RSRC1: variants seen among roughly 807,000 people sequenced by gnomAD.
RSRC1 encodes the protein arginine and serine rich coiled-coil 1, also known as serine/Arginine-related protein 53.
A neutral mutation model predicts 49.1 loss-of-function variants in RSRC1; 39 were observed. That is an observed-to-expected ratio of 0.79 (90% CI 0.61 to 1.04). The LOEUF is 1.04. Ranked by LOEUF, RSRC1 falls within the 50% of genes least tolerant of loss-of-function variation. The pLI, the probability that RSRC1 is intolerant of heterozygous loss-of-function variation, is 0.00. For missense variants in RSRC1, 388 were observed against 402.4 expected, an observed-to-expected ratio of 0.96 and a Z score of 0.31; for synonymous variants, 143 against 130.8, an observed-to-expected ratio of 1.09 and a Z score of -0.63.
chr3:158,237,814 T>C (rs370411081), intron 4 of RSRC1, among the ~76,000 whole-genome samples: 1 of 152,186 alleles, frequency 6.6e-6, no homozygotes, highest in Non-Finnish European at 1.5e-5. Flanking sequence ...TCTTGCCTGA[T>C]TGCCCTGGCC....
At chr3:158,497,960 A>C (rs888456006) in intron 7 of RSRC1, among the ~76,000 whole-genome samples, 1 of 151,994 alleles carries the variant, frequency 6.6e-6, no homozygotes, top group African/African-American at 2.4e-5. Flanking sequence ...TTATTTATCC[A>C]CTTGTTGATT....
At chr3:158,452,492 A>G (rs1325739495) in intron 6 of RSRC1, among the ~76,000 whole-genome samples, 1 of 152,170 alleles carries the variant, frequency 6.6e-6, no homozygotes. Flanking sequence ...ATGTGAAATG[A>G]TAGGATGAGC....
intron 5 of RSRC1, among the ~76,000 whole-genome samples, chr3:158,300,411 A>T (rs578199028): frequency 6.6e-6 from 1 of 152,316 alleles, no homozygotes; most frequent in South Asian, 2.1e-4. Flanking sequence ...AAAGTCAGTG[A>T]TATTATGAAG....
At chr3:158,480,877 A>C (rs537852479) in intron 7 of RSRC1, among the ~76,000 whole-genome samples, 1 of 152,236 alleles carries the variant, frequency 6.6e-6, no homozygotes, top group East Asian at 1.9e-4. Flanking sequence ...TTATGTGAAT[A>C]TGCAATCACA....
intron 4 of RSRC1, among the ~76,000 whole-genome samples, chr3:158,288,786 T>C (rs1578293528): frequency 1.4e-5 from 2 of 141,146 alleles, no homozygotes; most frequent in African/African-American, 6.1e-5. Context: ...TAGGGAATAA[T>C]GTCAAGAATA....
At position 158,543,437 on chromosome 3, in the gene RSRC1, A is replaced by G; in HGVS notation, c.862A>G (p.Ile288Val). The G allele has an allele frequency of 6.2e-7, 1 of 1,611,962 alleles. No homozygotes were observed. Among genetic ancestry groups the G allele is most frequent in the East Asian group, 2.2e-5 (1 of 44,704 alleles). Residue 288 changes from isoleucine (I) to valine (V), a missense_variant, in exon 9 of 10, where the codon ATC becomes GTC. Ile to Val is a conservative substitution (Grantham distance 29). Transcript: ENST00000611884. ...TGAAAAAGAAATAGATCCTACCAGC[A>G]TCCCTACTGCTATCAAGTACCAAGA... The part of the protein sequence containing the change: ...STEKEIDPTS[I>V]PTAIKYQDDN...
At chr3:158,390,498 A>G (rs181646992) in intron 6 of RSRC1, among the ~76,000 whole-genome samples, 13 of 152,332 alleles carry the variant, frequency 8.5e-5, no homozygotes, top group African/African-American at 2.4e-4. Context: ...ACTAAGTAAC[A>G]TAAGTGTAAT....
chr3:158,122,214 GA>G lies in RSRC1; in HGVS notation c.113del (p.Lys38ArgfsTer137). On this transcript the variant is annotated frameshift_variant, in exon 2 of 10. Coordinates refer to ENST00000611884, the MANE Select transcript of RSRC1 (RefSeq NM_001271838.2). LOFTEE classifies it high-confidence loss of function. The stretch of plus-strand genomic sequence containing the variant: ...TCTTCAGATAGTAGAACATACAGCC[GA>G]AAGAAAGGAGGAAGGAAATCAAGAT... ...SSSSDSRTYS[R>X]KKGGRKSRSK... The G allele has an allele frequency of 6.2e-7, 1 of 1,607,092 alleles. No individual in the cohort carries two copies. The highest frequency in any genetic ancestry group is 8.5e-7 in the Non-Finnish European group (1 of 1,176,028).
In RSRC1 at chr3:158,196,729, G is replaced by A. The variant is rs141819812; in HGVS notation, c.321-6343G>A. Reference sequence around the variant, plus strand: ...GCATGAAGCGTTGTTGAATTTTGTCGAAGGCCTTTTCTGTGTGTATTGAGA... The same window carrying A: ...GCATGAAGCGTTGTTGAATTTTGTCAAAGGCCTTTTCTGTGTGTATTGAGA... On this transcript the variant is annotated intron_variant, in intron 3 of 9. Transcript: ENST00000611884. Among the ~76,000 whole-genome samples, 1,435 of 152,054 alleles carry A rather than the reference G, an allele frequency of 9.4e-3. 18 individuals carry two copies. The highest frequency in any genetic ancestry group is 0.033 in the African/African-American group (1,365 of 41,472).
intron 3 of RSRC1, among the ~76,000 whole-genome samples, chr3:158,201,882 G>T (rs1721067337): frequency 6.6e-6 from 1 of 151,896 alleles, no homozygotes; most frequent in African/African-American, 2.4e-5. Flanking sequence ...ATATATCTAG[G>T]AATTTTGAGT....
intron 7 of RSRC1, among the ~76,000 whole-genome samples, chr3:158,533,104 G>T (rs1712495463): frequency 6.6e-6 from 1 of 151,618 alleles, no homozygotes; most frequent in African/African-American, 2.4e-5. Flanking sequence ...TACATTTGTG[G>T]TCACTGACAT....
chr3:158,361,923 T>C (rs555563645), intron 6 of RSRC1, among the ~76,000 whole-genome samples: 12 of 152,332 alleles, frequency 7.9e-5, no homozygotes, highest in Admixed American at 7.8e-4. Flanking sequence ...TTGAATTCTT[T>C]TAGTCCTGTC....
intron 4 of RSRC1, among the ~76,000 whole-genome samples, chr3:158,282,773 A>G (rs2108079386): frequency 6.6e-6 from 1 of 152,326 alleles, no homozygotes; most frequent in African/African-American, 2.4e-5. Context: ...GATGAGCAAA[A>G]TTATGGAGGT....
intron 6 of RSRC1, among the ~76,000 whole-genome samples, chr3:158,387,545 C>T (rs1733031899): frequency 6.6e-6 from 1 of 152,116 alleles, no homozygotes. Context: ...ATTCATTGGT[C>T]ATCTACAGTA....
chr3:158,436,905 G>C (rs1484281459), intron 6 of RSRC1, among the ~76,000 whole-genome samples: 2 of 151,928 alleles, frequency 1.3e-5, no homozygotes, highest in Non-Finnish European at 2.9e-5. Context: ...AAGACACAGA[G>C]AGATTAAGAT....
chr3:158,458,145 G>C (rs1404727970), intron 6 of RSRC1, among the ~76,000 whole-genome samples: 1 of 152,040 alleles, frequency 6.6e-6, no homozygotes, highest in Non-Finnish European at 1.5e-5. Flanking sequence ...ATTGCCATTT[G>C]TAGTAAAGAC....
chr3:158,149,828 C>A (rs1417447425), intron 3 of RSRC1, among the ~76,000 whole-genome samples: 1 of 152,062 alleles, frequency 6.6e-6, no homozygotes, highest in Non-Finnish European at 1.5e-5. Context: ...AATCATGTTC[C>A]TATTGTTCTG....
At chr3:158,277,946 C>T (rs1725909714) in intron 4 of RSRC1, among the ~76,000 whole-genome samples, 1 of 152,118 alleles carries the variant, frequency 6.6e-6, no homozygotes, top group Non-Finnish European at 1.5e-5. Flanking sequence ...AGCCCCTGTG[C>T]CCACCTAAGG....
chr3:158,483,014 A>C (rs1247598975), intron 7 of RSRC1, among the ~76,000 whole-genome samples: 1 of 151,986 alleles, frequency 6.6e-6, no homozygotes, highest in African/African-American at 2.4e-5. Flanking sequence ...ATCTACAGAC[A>C]GCTGACCTGA....
Sources: allele counts gnomAD v4.1 joint callset (sites outside exome capture counted in the v4.1 genomes callset), GRCh38; gene constraint gnomAD v4.1.1; transcripts MANE v1.5; gene names NCBI Gene and HGNC (gene_info 2026-07-23, HGNC 2026-07-21).